The following ALDH5A1 variants were observed in gnomAD, a reference collection of about 807,000 sequenced individuals.
The protein encoded by ALDH5A1 is aldehyde dehydrogenase 5 family member A1, also known as succinate-semialdehyde dehydrogenase, mitochondrial.
A neutral mutation model predicts 54.7 loss-of-function variants in ALDH5A1; 33 were observed. The observed-to-expected ratio is 0.60, with a 90% confidence interval of 0.46 to 0.81. The LOEUF is 0.81. Ranked by LOEUF, ALDH5A1 falls within the 30% of genes least tolerant of loss-of-function variation. The pLI, the probability that ALDH5A1 is intolerant of heterozygous loss-of-function variation, is 0.00. For synonymous variants in ALDH5A1, 294 were observed against 292.7 expected (o/e 1.00, Z -0.05); for missense variants, 657 against 711.0 (o/e 0.92, Z 0.86).
At chr6:24,499,891 C>A (rs1764787592) in intron 1 of ALDH5A1, among the ~76,000 whole-genome samples, 1 of 152,164 alleles carries the variant, frequency 6.6e-6, no homozygotes, top group Non-Finnish European at 1.5e-5. Flanking sequence ...GATCTCATGA[C>A]CTCATGATCC....
At position 24,536,785 on chromosome 6, in the gene ALDH5A1, T is replaced by G. The variant is rs1760058694; in HGVS notation, c.*3073T>G. On this transcript the variant is annotated 3_prime_UTR_variant, in exon 10 of 10. Coordinates refer to ENST00000357578, the MANE Select transcript of ALDH5A1 (RefSeq NM_001080.3). ...ATCTGCATCTGTTTATCCATTTTAG[T>G]AGCTTTTAAATATGATTTTATGTGA... 6.6e-6 allele frequency: 1 copy of G among 152,566 alleles called. No individual in the cohort carries two copies. The highest frequency in any genetic ancestry group is 1.5e-5 in the Non-Finnish European group (1 of 68,050). The allele number at this position is 152,566 out of a possible 1,614,324, so 9.5% of individuals were successfully genotyped here.
chr6:24,536,102 C>T lies in ALDH5A1; in HGVS notation c.*2390C>T, dbSNP rs912523154. The T allele has an allele frequency of 1.2e-4, 18 of 152,012 alleles. No individual in the cohort carries two copies. The highest frequency in any genetic ancestry group is 3.4e-4 in the African/African-American group (14 of 41,390). The allele number at this position is 152,012 out of a possible 1,614,324, so 9.4% of individuals were successfully genotyped here. A position where few individuals can be genotyped will look rare whatever the true frequency, so the allele number is the denominator to read the frequency against. ...AGAAAGAGAATTATTTTTAACTGAA[C>T]GTTTTTGTTGTTTTTTAAATAAAGT... On this transcript the variant is annotated 3_prime_UTR_variant, in exon 10 of 10. Coordinates refer to ENST00000357578, the MANE Select transcript of ALDH5A1 (RefSeq NM_001080.3).
chr6:24,526,947 ATATC>A (rs1186761952), intron 7 of ALDH5A1, among the ~76,000 whole-genome samples: 4 of 111,684 alleles, frequency 3.6e-5, no homozygotes, highest in African/African-American at 1.5e-4. Context: ...TTCTATATAT[ATATC>A]TAATATATAT....
In ALDH5A1 at chr6:24,522,793, G is replaced by C. The variant is rs1759721155; in HGVS notation, c.1041G>C (p.Leu347Phe). ...GQTCVCSNQF[L>F]VQRGIHDAFV... ...CTTGTGTTTGCTCAAACCAATTCTT[G>C]GTGCAAAGGGGCATCCATGATGCCT... Residue 347 changes from leucine (L) to phenylalanine (F), a missense_variant, in exon 7 of 10, where the codon TTG (leucine) becomes TTC (phenylalanine). Leu to Phe is a conservative substitution (Grantham distance 22). Around this residue, in one of 2 missense-constraint regions of ALDH5A1, gnomAD observed 425 missense variants for 516.4 expected, o/e 0.82. Transcript: ENST00000357578. 2.5e-6 allele frequency: 4 copies of C among 1,613,872 alleles called. No individual in the cohort carries two copies. Among genetic ancestry groups the C allele is most frequent in the South Asian group, 2.2e-5 (2 of 91,072 alleles).
chr6:24,501,949 A>ATATG (rs1554136360), intron 1 of ALDH5A1, among the ~76,000 whole-genome samples: 1,709 of 150,146 alleles, frequency 0.011, 36 homozygotes, highest in African/African-American at 0.038. Flanking sequence ...GTATATATAT[A>ATATG]TGTGTATGTG....
intron 5 of ALDH5A1, among the ~76,000 whole-genome samples, chr6:24,516,717 A>G (rs115695547): frequency 0.02 from 3,055 of 151,976 alleles, 77 homozygotes; most frequent in African/African-American, 0.059. Flanking sequence ...AGGCAGGAGG[A>G]TCACTTGAGC....
chr6:24,495,030 G>A lies in ALDH5A1; in HGVS notation c.34G>A (p.Ala12Thr). ...ATCIWLRSCG[A>T]RRLGSTFPGC... is the part of the protein sequence containing the mutation. ...CTGCATTTGGCTGCGGAGCTGTGGG[G>A]CCCGGCGCCTCGGGTCGACGTTTCC... is the stretch of plus-strand genomic sequence containing the variant. Residue 12 changes from alanine (A) to threonine (T), a missense_variant, in exon 1 of 10, where the codon GCC (alanine) becomes ACC (threonine). Ala to Thr is a moderately conservative substitution (Grantham distance 58). Around this residue, in one of 2 missense-constraint regions of ALDH5A1, gnomAD observed 232 missense variants for 194.6 expected, o/e 1.19. Transcript: ENST00000357578. The A allele has an allele frequency of 1.2e-5, 16 of 1,347,616 alleles. No individual in the cohort carries two copies. The highest frequency in any genetic ancestry group is 1.5e-5 in the Non-Finnish European group (16 of 1,053,028). 83.5% of individuals were successfully genotyped at this position (1,347,616 alleles called of 1,614,324 possible). A position where few individuals can be genotyped will look rare whatever the true frequency, so the allele number is the denominator to read the frequency against.
intron 6 of ALDH5A1, 107 bp downstream of exon 6, chr6:24,520,651 T>C (rs1581818713): frequency 3.3e-5 from 42 of 1,262,184 alleles, no homozygotes; most frequent in South Asian, 6.4e-5. Context: ...TGTGTGTGCG[T>C]GTGTGTGTGT....
chr6:24,530,641 C>T (rs1358130753), intron 8 of ALDH5A1, among the ~76,000 whole-genome samples: 1 of 152,220 alleles, frequency 6.6e-6, no homozygotes, highest in African/African-American at 2.4e-5. Context: ...CTCAGTGCCA[C>T]TCCTCCACCC....
intron 6 of ALDH5A1, among the ~76,000 whole-genome samples, chr6:24,521,162 C>T (rs528767152): frequency 1.8e-4 from 27 of 152,332 alleles, no homozygotes; most frequent in East Asian, 5.8e-4. Flanking sequence ...CACAGGCCCA[C>T]GCCAGCAGTG....
intron 1 of ALDH5A1, among the ~76,000 whole-genome samples, chr6:24,498,042 C>T (rs376430327): frequency 6.6e-6 from 1 of 152,076 alleles, no homozygotes; most frequent in Non-Finnish European, 1.5e-5. Context: ...AGGTAGAGCC[C>T]ACTGGATTTT....
chr6:24,499,323 A>G (rs7775073), intron 1 of ALDH5A1, among the ~76,000 whole-genome samples: 49,967 of 151,874 alleles, frequency 0.33, 8,580 homozygotes, highest in African/African-American at 0.39. Flanking sequence ...CTTGGCTTTG[A>G]ATACACCTGT....
At chr6:24,511,586 C>T (rs954919025) in intron 4 of ALDH5A1, among the ~76,000 whole-genome samples, 85 of 152,038 alleles carry the variant, frequency 5.6e-4, no homozygotes, top group Admixed American at 5.5e-3. Flanking sequence ...CTTTGACGTT[C>T]TTTCTTCTGC....
intron 8 of ALDH5A1, among the ~76,000 whole-genome samples, chr6:24,530,041 C>T (rs1759898835): frequency 6.6e-6 from 1 of 152,132 alleles, no homozygotes; most frequent in Non-Finnish European, 1.5e-5. Context: ...TATTCTTCTT[C>T]CTTTCATTTA....
chr6:24,527,498 G>A (rs1238214553), intron 7 of ALDH5A1, among the ~76,000 whole-genome samples: 1 of 152,100 alleles, frequency 6.6e-6, no homozygotes, highest in Admixed American at 6.5e-5. Context: ...CTTGAACCTG[G>A]GAGGCAGAGG....
chr6:24,519,148 G>A (rs1759628497), intron 5 of ALDH5A1, among the ~76,000 whole-genome samples: 1 of 152,038 alleles, frequency 6.6e-6, no homozygotes, highest in African/African-American at 2.4e-5. Context: ...CTGGAGTGCA[G>A]TGGCGCGATC....
chr6:24,496,512 T>C (rs1414484007), intron 1 of ALDH5A1, among the ~76,000 whole-genome samples: 2 of 152,204 alleles, frequency 1.3e-5, no homozygotes, highest in African/African-American at 4.8e-5. Context: ...TTTCTCATTT[T>C]ACCGCTCTGG....
At chr6:24,514,834 G>A (rs541330812) in intron 4 of ALDH5A1, among the ~76,000 whole-genome samples, 30 of 151,934 alleles carry the variant, frequency 2.0e-4, no homozygotes, top group Admixed American at 2.0e-4. Context: ...GTGCAGTGGC[G>A]CAACCTTGGC....
At chr6:24,515,119 T>TTTTTGTTTTG in intron 4 of ALDH5A1, 48 bp from the exon 5 acceptor site, 4 of 1,534,900 alleles carry the variant, frequency 2.6e-6, no homozygotes, top group East Asian at 4.6e-5. Flanking sequence ...TTTTTTTTTT[T>TTTTTGTTTTG]TTCAGTTTGG....
Sources: gnomAD v4.1 joint callset for allele counts (sites outside exome capture counted in the v4.1 genomes callset) on GRCh38, gnomAD v4.1.1 for gene constraint, gnomAD v4.1.1 regional missense constraint, MANE v1.5 for transcripts, NCBI Gene and HGNC (gene_info 2026-07-23, HGNC 2026-07-21) for gene names.